Variants in RIMS2 observed in about 807,000 individuals in gnomAD.
RIMS2 encodes the protein regulating synaptic membrane exocytosis protein 2.
RIMS2 carries 59 observed loss-of-function variants against 174.4 expected under a neutral mutation model. The observed-to-expected ratio is 0.34, with a 90% CI of 0.27 to 0.42. The LOEUF is 0.42. Ranked by LOEUF, RIMS2 falls within the 10% of genes least tolerant of loss-of-function variation. The pLI is 1.00. For missense variants in RIMS2, 1,620 were observed against 1,666.3 expected (o/e 0.97, Z 0.48); for synonymous variants, 606 against 572.5 (o/e 1.06, Z -0.84).
At chr8:103,523,792 G>A (rs1372543813) in intron 1 of RIMS2, among the ~76,000 whole-genome samples, 2 of 151,994 alleles carry the variant, frequency 1.3e-5, no homozygotes, top group South Asian at 2.1e-4. Flanking sequence ...TTTCAGATGA[G>A]TTAGGCTATC....
chr8:103,545,384 A>G (rs1844526065), intron 1 of RIMS2, among the ~76,000 whole-genome samples: 1 of 152,198 alleles, frequency 6.6e-6, no homozygotes, highest in African/African-American at 2.4e-5. Context: ...ATGTATAGAG[A>G]CCAAATCTAC....
At chr8:103,692,190 C>A (rs988189286) in intron 1 of RIMS2, among the ~76,000 whole-genome samples, 37 of 152,174 alleles carry the variant, frequency 2.4e-4, no homozygotes, top group Non-Finnish European at 5.0e-4. Context: ...ACCGAAAGCT[C>A]ACAGCAACCA....
chr8:103,714,876 T>C (rs948251731), intron 2 of RIMS2, among the ~76,000 whole-genome samples: 2 of 152,066 alleles, frequency 1.3e-5, no homozygotes, highest in Admixed American at 1.3e-4. Flanking sequence ...AAGTAGTTGG[T>C]ATAAAATTTT....
rs569120726 is a variant in RIMS2, at chr8:103,661,507, T to G, written c.177-35579T>G. Among the ~76,000 whole-genome samples the G allele has an allele frequency of 3.5e-4, 53 of 152,224 alleles. No homozygotes were observed. The East Asian group carries it at 9.5e-3, about 27-fold the overall frequency. Reference sequence around the variant, plus strand: ...ATTTGGTAATACTATAAATGCTGTTTTTTGTTTTTTTTTTAAGACAGAGTC... The same window carrying G: ...ATTTGGTAATACTATAAATGCTGTTGTTTGTTTTTTTTTTAAGACAGAGTC... On this transcript the variant is annotated intron_variant, in intron 1 of 23. Transcript: ENST00000504942.
At chr8:104,104,310 A>G (rs1314880578) in intron 19 of RIMS2, among the ~76,000 whole-genome samples, 2 of 152,226 alleles carry the variant, frequency 1.3e-5, no homozygotes, top group African/African-American at 4.8e-5. Flanking sequence ...CAGTTTCAAG[A>G]GACACCAGCA....
intron 2 of RIMS2, among the ~76,000 whole-genome samples, chr8:103,751,675 A>T (rs1037154405): frequency 5.3e-5 from 8 of 151,114 alleles, no homozygotes; most frequent in African/African-American, 2.0e-4. Context: ...TGTGGTTTTG[A>T]TTTGCATTTC....
At chr8:103,877,850 T>C (rs1294184337) in intron 3 of RIMS2, among the ~76,000 whole-genome samples, 2 of 151,900 alleles carry the variant, frequency 1.3e-5, no homozygotes, top group Non-Finnish European at 2.9e-5. Context: ...TGATATTGAT[T>C]CTTCCAATCC....
intron 3 of RIMS2, among the ~76,000 whole-genome samples, chr8:103,852,414 C>CTTT (rs551156624): frequency 7.1e-6 from 1 of 141,810 alleles, no homozygotes; most frequent in African/African-American, 2.6e-5. Context: ...AAAGCATTTT[C>CTTT]TTTTTTTTTT....
At chr8:103,926,297 T>A (rs1012801825) in intron 10 of RIMS2, among the ~76,000 whole-genome samples, 5 of 151,586 alleles carry the variant, frequency 3.3e-5, no homozygotes, top group African/African-American at 1.2e-4. Context: ...ATTTCATATA[T>A]CCCCTCTGTC....
At chr8:104,255,280 G>A (rs2099366259), downstream of RIMS2, 1 of 135,886 alleles carries the variant, frequency 7.4e-6, no homozygotes, top group Non-Finnish European at 1.5e-5. Flanking sequence ...ATACATTCCT[G>A]TATATGAACA....
chr8:104,114,628 A>G (rs1049197600), intron 19 of RIMS2, among the ~76,000 whole-genome samples: 6 of 151,974 alleles, frequency 3.9e-5, no homozygotes, highest in African/African-American at 1.4e-4. Context: ...AATGTTAATC[A>G]TTAATATTTC....
intron 4 of RIMS2, among the ~76,000 whole-genome samples, chr8:103,893,626 A>G (rs2099260225): frequency 6.6e-6 from 1 of 152,096 alleles, no homozygotes; most frequent in South Asian, 2.1e-4. Context: ...ACATTTTTGA[A>G]TGGTTAAAAA....
intron 16 of RIMS2, among the ~76,000 whole-genome samples, chr8:103,982,484 A>G (rs1340666619): frequency 7.3e-6 from 1 of 137,008 alleles, no homozygotes; most frequent in East Asian, 2.0e-4. Context: ...ATATTGATGC[A>G]GAAATCCAAA....
chr8:103,924,365 G>GCA (rs1271946896), intron 10 of RIMS2, among the ~76,000 whole-genome samples: 1 of 151,328 alleles, frequency 6.6e-6, no homozygotes, highest in Non-Finnish European at 1.5e-5. Context: ...TTATATTTTT[G>GCA]CATCCAGGAA....
intron 1 of RIMS2, among the ~76,000 whole-genome samples, chr8:103,513,149 C>T (rs1010837891): frequency 9.2e-5 from 14 of 152,134 alleles, no homozygotes; most frequent in African/African-American, 2.2e-4. Flanking sequence ...TGCCTGCAGT[C>T]GGCAAGTGCT....
chr8:103,789,749 CTTTTT>C lies in RIMS2; in HGVS notation c.698+23230_698+23234del, dbSNP rs11354049. Among the ~76,000 whole-genome samples, 94 of 85,162 alleles carry C rather than the reference CTTTTT, an allele frequency of 1.1e-3. 1 individual carries two copies. Among genetic ancestry groups the C allele is most frequent in the African/African-American group, 4.0e-3 (84 of 21,112 alleles). The allele number at this position is 85,162 out of a possible 152,430, so 55.9% of individuals were successfully genotyped here. A position where few individuals can be genotyped will look rare whatever the true frequency, so the allele number is the denominator to read the frequency against. On this transcript the variant is annotated intron_variant, in intron 3 of 23. Transcript: ENST00000504942. Reference sequence around the variant, plus strand: ...AACATATATTATGATGGATTGTACTCTTTTTTTTTTTTTTTTTTTTTTGAGACAGG... The same window carrying C: ...AACATATATTATGATGGATTGTACTCTTTTTTTTTTTTTTTTTGAGACAGG...
chr8:103,602,930 G>A (rs2094831076), intron 1 of RIMS2, among the ~76,000 whole-genome samples: 1 of 152,160 alleles, frequency 6.6e-6, no homozygotes, highest in Non-Finnish European at 1.5e-5. Flanking sequence ...CACCAACAAT[G>A]TATAAGTGTT....
exon 3 of RIMS2, chr8:103,766,254 A>C (rs1269076917): frequency 3.1e-6 from 5 of 1,612,986 alleles, no homozygotes; most frequent in Admixed American, 1.7e-5. Flanking sequence ...TTTGTGCCGA[A>C]AACAACAAGA....
intron 3 of RIMS2, among the ~76,000 whole-genome samples, chr8:103,850,810 C>G (rs923291089): frequency 1.3e-5 from 2 of 151,996 alleles, no homozygotes; most frequent in Admixed American, 1.3e-4. Flanking sequence ...ACATGATCTT[C>G]TTTATCTGAA....
Sources: allele counts gnomAD v4.1 joint callset (sites outside exome capture counted in the v4.1 genomes callset), GRCh38; gene constraint gnomAD v4.1.1; transcripts MANE v1.5; gene names NCBI Gene and HGNC (gene_info 2026-07-23, HGNC 2026-07-21).